The following PSD3 variants were observed in gnomAD, a reference collection of about 807,000 sequenced individuals.
PSD3 encodes the protein pleckstrin and Sec7 domain containing 3.
Under a neutral mutation model 105.5 loss-of-function variants are expected in PSD3, and 49 were observed. The ratio of observed to expected loss-of-function variants is 0.46; its 90% CI spans 0.37 to 0.59. The LOEUF (loss-of-function observed/expected upper bound fraction) is 0.59, where lower values mean the gene tolerates loss of function less well. Ranked by LOEUF, PSD3 falls within the 20% of genes least tolerant of loss-of-function variation. The pLI, the probability that PSD3 is intolerant of heterozygous loss-of-function variation, is 0.00. For missense variants in PSD3, 1,561 were observed against 1,263.8 expected (o/e 1.24, Z -3.57); for synonymous variants, 557 against 457.8 (o/e 1.22, Z -2.77).
intron 9 of PSD3, among the ~76,000 whole-genome samples, chr8:18,760,097 GAT>G: frequency 6.6e-6 from 1 of 151,860 alleles, no homozygotes; most frequent in East Asian, 1.9e-4. Context: ...TGAACATTAA[GAT>G]AGAGGAACTT....
intron 4 of PSD3, among the ~76,000 whole-genome samples, chr8:18,866,739 A>ATT (rs1563362240): frequency 6.6e-6 from 1 of 152,186 alleles, no homozygotes; most frequent in East Asian, 1.9e-4. Context: ...AGACTGCTCA[A>ATT]AAAGAGAGGT....
intron 1 of PSD3, among the ~76,000 whole-genome samples, chr8:19,037,380 T>A (rs1827979379): frequency 1.3e-5 from 2 of 152,356 alleles, no homozygotes; most frequent in African/African-American, 2.4e-5. Flanking sequence ...GATTCCAGAC[T>A]GTGTCAAATG....
intron 1 of PSD3, among the ~76,000 whole-genome samples, chr8:19,079,125 G>A (rs1238985262): frequency 6.6e-6 from 1 of 152,072 alleles, no homozygotes; most frequent in Non-Finnish European, 1.5e-5. Flanking sequence ...GAATGTTGAG[G>A]ATGGGGTAAG....
chr8:18,662,937 G>A (rs1171513752), intron 9 of PSD3, among the ~76,000 whole-genome samples: 1 of 152,172 alleles, frequency 6.6e-6, no homozygotes, highest in Non-Finnish European at 1.5e-5. Context: ...GAAAGCCAGA[G>A]AAATATTATG....
At chr8:18,704,355 T>C (rs1338925331) in intron 9 of PSD3, among the ~76,000 whole-genome samples, 1 of 152,196 alleles carries the variant, frequency 6.6e-6, no homozygotes, top group East Asian at 1.9e-4. Flanking sequence ...AGAACCTTTT[T>C]TTGTGAGACA....
intron 12 of PSD3, among the ~76,000 whole-genome samples, chr8:18,596,227 C>T (rs570799684): frequency 3.3e-5 from 5 of 151,310 alleles, no homozygotes; most frequent in Admixed American, 2.0e-4. Flanking sequence ...AAACAATATG[C>T]CAAAACTTGT....
chr8:18,729,523 T>G (rs1030306810), intron 9 of PSD3, among the ~76,000 whole-genome samples: 6 of 152,104 alleles, frequency 3.9e-5, no homozygotes, highest in Admixed American at 3.9e-4. Flanking sequence ...AAAAGTAGCA[T>G]GCAACAACCA....
intron 11 of PSD3, among the ~76,000 whole-genome samples, chr8:18,619,336 A>T (rs1418358433): frequency 6.6e-6 from 1 of 152,166 alleles, no homozygotes; most frequent in Non-Finnish European, 1.5e-5. Flanking sequence ...GCAATAAGAT[A>T]CCAGATTATA....
intron 1 of PSD3, among the ~76,000 whole-genome samples, chr8:19,037,690 C>A (rs1043589520): frequency 6.6e-6 from 1 of 152,102 alleles, no homozygotes; most frequent in African/African-American, 2.4e-5. Context: ...TCCTCTTCTG[C>A]TGCATTTGGA....
chr8:18,560,852 A>C (rs908348534), intron 14 of PSD3, among the ~76,000 whole-genome samples: 8 of 152,230 alleles, frequency 5.3e-5, no homozygotes, highest in African/African-American at 1.9e-4. Flanking sequence ...CTCATTGTGT[A>C]GTATTAAGAG....
At chr8:18,626,033 C>A (rs748597109) in intron 11 of PSD3, among the ~76,000 whole-genome samples, 1 of 151,992 alleles carries the variant, frequency 6.6e-6, no homozygotes, top group Non-Finnish European at 1.5e-5. Context: ...CCAGGAGATG[C>A]GTTTTGTTTT....
intron 12 of PSD3, among the ~76,000 whole-genome samples, chr8:18,592,423 C>A (rs1398996474): frequency 6.6e-6 from 1 of 151,976 alleles, no homozygotes; most frequent in Non-Finnish European, 1.5e-5. Flanking sequence ...CAAGAAAGAG[C>A]AGAAAGAAGA....
chr8:18,862,244 A>C (rs1816507194), intron 4 of PSD3, among the ~76,000 whole-genome samples: 1 of 152,054 alleles, frequency 6.6e-6, no homozygotes, highest in African/African-American at 2.4e-5. Flanking sequence ...ACGCTTGCAG[A>C]GGGTCCCAGA....
intron 1 of PSD3, among the ~76,000 whole-genome samples, chr8:19,010,035 C>T (rs148817358): frequency 0.015 from 2,306 of 152,308 alleles, 24 homozygotes; most frequent in Non-Finnish European, 0.018. Context: ...AAATCCCTAA[C>T]TCCAATAATA....
chr8:18,910,196 A>C (rs111482034), intron 2 of PSD3, among the ~76,000 whole-genome samples: 1,593 of 151,340 alleles, frequency 0.011, 31 homozygotes, highest in African/African-American at 0.037. Flanking sequence ...ACGTATGTTT[A>C]TTGCGGCACT....
chr8:18,970,827 C>T (rs892855541), intron 1 of PSD3, among the ~76,000 whole-genome samples: 1 of 151,712 alleles, frequency 6.6e-6, no homozygotes, highest in Admixed American at 6.6e-5. Context: ...TGGCGGTGTG[C>T]ACCTGTAGTA....
intron 1 of PSD3, among the ~76,000 whole-genome samples, chr8:18,993,179 T>A (rs1268124177): frequency 6.6e-6 from 1 of 152,178 alleles, no homozygotes; most frequent in Non-Finnish European, 1.5e-5. Context: ...GTGAGTGTAC[T>A]CCTTTTGCCA....
chr8:18,637,171 A>G (rs1446817474), intron 10 of PSD3, among the ~76,000 whole-genome samples: 1 of 152,230 alleles, frequency 6.6e-6, no homozygotes, highest in Non-Finnish European at 1.5e-5. Context: ...GTACTAGAGT[A>G]CAGTGTTTGT....
intron 2 of PSD3, among the ~76,000 whole-genome samples, chr8:18,912,531 C>A (rs1286697735): frequency 6.6e-6 from 1 of 152,116 alleles, no homozygotes; most frequent in Admixed American, 6.5e-5. Context: ...ATTTAGATAT[C>A]TTTAATTAGG....
Sources: gnomAD v4.1 joint callset for allele counts (sites outside exome capture counted in the v4.1 genomes callset) on GRCh38, gnomAD v4.1.1 for gene constraint, MANE v1.5 for transcripts, NCBI Gene and HGNC (gene_info 2026-07-23, HGNC 2026-07-21) for gene names.